The following UTRN variants were observed in gnomAD, a reference collection of about 807,000 sequenced individuals.
The protein encoded by UTRN is utrophin, also known as dystrophin-related protein 1.
Under a neutral mutation model 463.9 loss-of-function variants are expected in UTRN, and 283 were observed. The ratio of observed to expected loss-of-function variants is 0.61; its 90% CI spans 0.55 to 0.67. UTRN has a LOEUF of 0.67. Ranked by LOEUF, UTRN falls within the 30% of genes least tolerant of loss-of-function variation. The pLI is 0.00. For synonymous variants in UTRN, 1,442 were observed against 1,431.5 expected (o/e 1.01, Z -0.17); for missense variants, 3,922 against 4,084.3 (o/e 0.96, Z 1.08).
chr6:144,685,271 C>T (rs1782631509), intron 52 of UTRN, among the ~76,000 whole-genome samples: 1 of 152,166 alleles, frequency 6.6e-6, no homozygotes, highest in African/African-American at 2.4e-5. Context: ...TCCTTATCCA[C>T]TCATGGATTG....
chr6:144,839,194 A>G lies in UTRN; in HGVS notation c.10087A>G (p.Asn3363Asp). The change falls in exon 72 of 75, where the codon AAT (asparagine) becomes GAT (aspartate). Residue 3363 changes from asparagine to aspartate, a missense_variant. Coordinates refer to ENST00000367545, the MANE Select transcript of UTRN (RefSeq NM_007124.3). The part of the protein sequence containing the change: ...LEQPESDSRI[N>D]GVSPWASPQH... ...CCAGCCTGAATCTGATTCCCGAATC[A>G]ATGGTGTTTCCCCATGGGCTTCTCC... 1 of 1,614,104 alleles carries G rather than the reference A, an allele frequency of 6.2e-7. No individual in the cohort carries two copies. The highest frequency in any genetic ancestry group is 1.3e-5 in the African/African-American group (1 of 75,066).
At chr6:144,615,893 G>A (rs763671594) in intron 51 of UTRN, among the ~76,000 whole-genome samples, 1 of 151,844 alleles carries the variant, frequency 6.6e-6, no homozygotes, top group Non-Finnish European at 1.5e-5. Context: ...AACCCCTTAC[G>A]CTGCCCTACC....
At chr6:144,804,631 A>G (rs754296350) in intron 65 of UTRN, among the ~76,000 whole-genome samples, 1 of 152,200 alleles carries the variant, frequency 6.6e-6, no homozygotes, top group Non-Finnish European at 1.5e-5. Context: ...GGTCAGCATC[A>G]GTTCCATCAG....
chr6:144,587,217 TTTCAGTG>T (rs1229259909), intron 51 of UTRN, among the ~76,000 whole-genome samples: 2 of 152,190 alleles, frequency 1.3e-5, no homozygotes, highest in African/African-American at 4.8e-5. Context: ...GGGCTTGAGC[TTTCAGTG>T]TGGTGCTGAT....
intron 51 of UTRN, among the ~76,000 whole-genome samples, chr6:144,625,056 G>A (rs1775808507): frequency 6.6e-6 from 1 of 152,110 alleles, no homozygotes; most frequent in South Asian, 2.1e-4. Flanking sequence ...TGAAATTAAG[G>A]CACTCTAATG....
chr6:144,808,212 G>A (rs942028190), intron 65 of UTRN, among the ~76,000 whole-genome samples: 2 of 152,096 alleles, frequency 1.3e-5, no homozygotes, highest in Non-Finnish European at 2.9e-5. Context: ...ATACCTCTAT[G>A]TGGAGAAATT....
chr6:144,380,018 T>C (rs1780771869), intron 2 of UTRN, among the ~76,000 whole-genome samples: 1 of 152,232 alleles, frequency 6.6e-6, no homozygotes, highest in Non-Finnish European at 1.5e-5. Flanking sequence ...TATTTGACTT[T>C]CATTTTTAAG....
intron 2 of UTRN, among the ~76,000 whole-genome samples, chr6:144,319,322 G>A (rs1187992155): frequency 6.6e-6 from 1 of 152,042 alleles, no homozygotes; most frequent in Non-Finnish European, 1.5e-5. Flanking sequence ...CTTGTGTGTT[G>A]CCTTTTGGCA....
At chr6:144,404,172 G>T (rs1783176642) in intron 3 of UTRN, among the ~76,000 whole-genome samples, 1 of 152,150 alleles carries the variant, frequency 6.6e-6, no homozygotes, top group Non-Finnish European at 1.5e-5. Context: ...GGCTTTGCGA[G>T]TTTATCTTGA....
chr6:144,569,218 A>G (rs1434755359), intron 50 of UTRN, among the ~76,000 whole-genome samples: 1 of 152,110 alleles, frequency 6.6e-6, no homozygotes, highest in African/African-American at 2.4e-5. Flanking sequence ...AAATCAGAAT[A>G]TAAAATAACA....
At chr6:144,816,127 T>C (rs1033281182) in intron 65 of UTRN, among the ~76,000 whole-genome samples, 1 of 152,170 alleles carries the variant, frequency 6.6e-6, no homozygotes, top group Non-Finnish European at 1.5e-5. Context: ...AGTACTGAGC[T>C]GTACCAAAAA....
rs1297716107 is a variant in UTRN, at chr6:144,851,192, C to G, written c.*195C>G. The G allele has an allele frequency of 1.1e-5, 7 of 658,146 alleles. No individual in the cohort carries two copies. The highest frequency in any genetic ancestry group is 1.8e-5 in the African/African-American group (1 of 54,484). 40.8% of individuals were successfully genotyped at this position (658,146 alleles called of 1,614,324 possible). ...ATGGATATTTTGTTTTTATAATAAC[C>G]ATATATTATTGTTTTCTTCTTCCCT... is the stretch of plus-strand genomic sequence containing the variant. On this transcript the variant is annotated 3_prime_UTR_variant, in exon 75 of 75. Transcript: ENST00000367545.
At chr6:144,342,346 C>T (rs1584355246) in intron 2 of UTRN, among the ~76,000 whole-genome samples, 1 of 111,592 alleles carries the variant, frequency 9.0e-6, no homozygotes, top group Admixed American at 7.9e-5. Context: ...CACACATACA[C>T]ACACACACAC....
At chr6:144,410,541 G>A (rs1260053240) in intron 3 of UTRN, among the ~76,000 whole-genome samples, 4 of 151,956 alleles carry the variant, frequency 2.6e-5, no homozygotes, top group Non-Finnish European at 2.9e-5. Flanking sequence ...CACTGTACCC[G>A]ATTTGTAAAA....
intron 5 of UTRN, among the ~76,000 whole-genome samples, 159 bp downstream of exon 5, chr6:144,423,785 G>A (rs778517072): frequency 1.2e-4 from 19 of 152,154 alleles, no homozygotes; most frequent in Admixed American, 1.2e-3. Context: ...AAACAGTCAT[G>A]TGCTTTTTCT....
intron 69 of UTRN, among the ~76,000 whole-genome samples, chr6:144,829,520 C>T (rs1780476049): frequency 6.6e-6 from 1 of 151,900 alleles, no homozygotes; most frequent in South Asian, 2.1e-4. Flanking sequence ...ATTGTGTGTA[C>T]TCTTACTTTT....
rs568610356 is a variant in UTRN, at chr6:144,593,556, G to A, written c.7479+16268G>A. Among the ~76,000 whole-genome samples the A allele has an allele frequency of 1.4e-4, 21 of 152,232 alleles. No homozygotes were observed. In the East Asian group the frequency reaches 3.5e-3, roughly 25 times the overall value. ...GGGTAGAGGGATTTTGTAAAGAGGG[G>A]AGTCTCTGGCCTCTTCTCACTTGGG... is the stretch of plus-strand genomic sequence containing the variant. On this transcript the variant is annotated intron_variant, in intron 51 of 74. Coordinates refer to ENST00000367545, the MANE Select transcript of UTRN (RefSeq NM_007124.3).
At chr6:144,610,236 A>G (rs1375563936) in intron 51 of UTRN, among the ~76,000 whole-genome samples, 2 of 152,032 alleles carry the variant, frequency 1.3e-5, no homozygotes, top group East Asian at 1.9e-4. Flanking sequence ...CAGAAATGAA[A>G]AAGGAGATAT....
chr6:144,434,677 C>CTCAG (rs1242009023), intron 9 of UTRN, among the ~76,000 whole-genome samples: 3 of 152,150 alleles, frequency 2.0e-5, no homozygotes, highest in Non-Finnish European at 4.4e-5. Flanking sequence ...GATGAGATTA[C>CTCAG]TCAGACACAG....
Sources: allele counts gnomAD v4.1 joint callset (sites outside exome capture counted in the v4.1 genomes callset), GRCh38; gene constraint gnomAD v4.1.1; transcripts MANE v1.5; gene names NCBI Gene and HGNC (gene_info 2026-07-23, HGNC 2026-07-21).